The following TM9SF3 variants were observed in gnomAD, a reference collection of about 807,000 sequenced individuals.
TM9SF3 encodes transmembrane 9 superfamily member 3.
A neutral mutation model predicts 78.6 loss-of-function variants in TM9SF3; 14 were observed. That is an observed-to-expected ratio of 0.18 (90% CI 0.12 to 0.28). TM9SF3 has a LOEUF of 0.28. Ranked by LOEUF, TM9SF3 falls within the 10% of genes least tolerant of loss-of-function variation. TM9SF3 has a pLI of 1.00. For missense variants in TM9SF3, 496 were observed against 721.9 expected (o/e 0.69, Z 3.59); for synonymous variants, 231 against 241.7 (o/e 0.96, Z 0.41).
chr10:96,570,522 A>G (rs753432258), intron 2 of TM9SF3, among the ~76,000 whole-genome samples: 7 of 152,238 alleles, frequency 4.6e-5, no homozygotes, highest in Non-Finnish European at 7.3e-5. Context: ...ATCGGTAATA[A>G]GAATTGACAA....
intron 7 of TM9SF3, among the ~76,000 whole-genome samples, chr10:96,550,207 A>T (rs903845077): frequency 6.6e-6 from 1 of 152,234 alleles, no homozygotes; most frequent in African/African-American, 2.4e-5. Flanking sequence ...TATTCACTTC[A>T]GTTCAACAAG....
At chr10:96,568,554 T>G (rs1386425337) in intron 2 of TM9SF3, among the ~76,000 whole-genome samples, 2 of 152,142 alleles carry the variant, frequency 1.3e-5, no homozygotes, top group African/African-American at 4.8e-5. Flanking sequence ...GGCTAACAAT[T>G]GAATAGGCAG....
intron 10 of TM9SF3, among the ~76,000 whole-genome samples, chr10:96,532,075 T>C (rs1589447364): frequency 6.6e-6 from 1 of 151,954 alleles, no homozygotes; most frequent in East Asian, 1.9e-4. Flanking sequence ...CCAGGCGTGG[T>C]GGCGGGCACC....
intron 14 of TM9SF3, among the ~76,000 whole-genome samples, chr10:96,526,129 A>G (rs1025089660): frequency 2.0e-5 from 3 of 152,140 alleles, no homozygotes; most frequent in Non-Finnish European, 2.9e-5. Flanking sequence ...TCTATTTTGC[A>G]AATGAGTAAA....
intron 1 of TM9SF3, among the ~76,000 whole-genome samples, chr10:96,586,272 T>C (rs1356749231): frequency 1.3e-5 from 2 of 152,272 alleles, no homozygotes. Flanking sequence ...AAGTGTAGGA[T>C]ATTTCCTGGT....
intron 9 of TM9SF3, among the ~76,000 whole-genome samples, chr10:96,534,325 C>G (rs369098065): frequency 1.3e-5 from 2 of 152,138 alleles, no homozygotes; most frequent in Non-Finnish European, 2.9e-5. Context: ...AATTTATCTG[C>G]GTTTCAGTTT....
In TM9SF3 at chr10:96,586,889, GCCTCCT is replaced by G. The variant is rs1848640639; in HGVS notation, c.-60_-55del. On this transcript the variant is annotated 5_prime_UTR_variant, in exon 1 of 15. Transcript: ENST00000371142. Reference sequence around the variant, plus strand: ...CTCACCGACTCCTCCTCCCGCCGCCGCCTCCTCCGCCGCCGCCGCCTCCGCCGCGGC... The same window carrying G: ...CTCACCGACTCCTCCTCCCGCCGCCGCCGCCGCCGCCGCCTCCGCCGCGGC... 1.0e-6 allele frequency: 1 copy of G among 967,708 alleles called. No individual in the cohort carries two copies. Among genetic ancestry groups the G allele is most frequent in the Non-Finnish European group, 1.3e-6 (1 of 777,640 alleles). The allele number at this position is 967,708 out of a possible 1,614,324, so 59.9% of individuals were successfully genotyped here.
rs1223687264 is a variant in TM9SF3 at position 96,581,578 on chromosome 10, T to C, written c.103-4749A>G. 5.3e-5 allele frequency among the ~76,000 whole-genome samples: 8 copies of C among 152,172 alleles called. No individual in the cohort carries two copies. The East Asian group carries it at 1.5e-3, about 29-fold the overall frequency. ...GCTTTGTACCTAAATAAACTTTCAG[T>C]CTATCATTGAGTAGAGCTGAAAATA... On this transcript the variant is annotated intron_variant, in intron 1 of 14. Transcript: ENST00000371142.
At chr10:96,584,269 A>G (rs548617969) in intron 1 of TM9SF3, among the ~76,000 whole-genome samples, 1 of 152,312 alleles carries the variant, frequency 6.6e-6, no homozygotes, top group East Asian at 1.9e-4. Flanking sequence ...TCTCTTTACT[A>G]GCTACTTCTG....
intron 14 of TM9SF3, among the ~76,000 whole-genome samples, chr10:96,525,395 A>C (rs1266694720): frequency 6.6e-6 from 1 of 152,046 alleles, no homozygotes; most frequent in Non-Finnish European, 1.5e-5. Context: ...ATAGAGAATG[A>C]TCTTTCCTTG....
In TM9SF3 at chr10:96,546,548, C is replaced by A. The variant is rs557030127; in HGVS notation, c.1054+1347G>T. 6.6e-5 allele frequency among the ~76,000 whole-genome samples: 10 copies of A among 152,238 alleles called. No individual in the cohort carries two copies. In the South Asian group the frequency reaches 2.1e-3, roughly 32 times the overall value. On this transcript the variant is annotated intron_variant, in intron 8 of 14. Transcript: ENST00000371142. ...CAGGTCAAATTCAAAGTAGAAGTTG[C>A]CTCATGTGTCCTTATTTCCTTAGGA...
At chr10:96,536,275 A>AT (rs1440750578) in intron 9 of TM9SF3, among the ~76,000 whole-genome samples, 1 of 152,150 alleles carries the variant, frequency 6.6e-6, no homozygotes, top group African/African-American at 2.4e-5. Flanking sequence ...TGCTCTTGAC[A>AT]CTTCTATTCA....
chr10:96,545,602 A>C (rs1848087751), intron 8 of TM9SF3, among the ~76,000 whole-genome samples: 1 of 152,188 alleles, frequency 6.6e-6, no homozygotes, highest in African/African-American at 2.4e-5. Flanking sequence ...GTATCAACAA[A>C]ACTGTGGCCG....
chr10:96,567,380 C>T (rs59525752), intron 2 of TM9SF3, among the ~76,000 whole-genome samples: 1,600 of 152,230 alleles, frequency 0.011, 29 homozygotes, highest in African/African-American at 0.036. Context: ...CCACCGCACC[C>T]GGCCAATCTG....
rs779484212 is a variant in TM9SF3, at chr10:96,547,878, G to A, written c.1054+17C>T. On this transcript the variant is annotated intron_variant, in intron 8 of 14. Coordinates refer to ENST00000371142, the MANE Select transcript of TM9SF3 (RefSeq NM_020123.4). ...GCATCTATAATTAACAACATGAAGTGAGAATTCGTAAGTTACCTCCTTGTC... is the reference window on the plus strand; with the variant it reads ...GCATCTATAATTAACAACATGAAGTAAGAATTCGTAAGTTACCTCCTTGTC... The A allele has an allele frequency of 4.4e-6, 7 of 1,575,722 alleles. No homozygotes were observed. In the African/African-American group the frequency reaches 5.5e-5, roughly 12 times the overall value.
chr10:96,586,918 G>A lies in TM9SF3; in HGVS notation c.-83C>T, dbSNP rs1252737750. 3.7e-6 allele frequency: 4 copies of A among 1,082,866 alleles called. No individual in the cohort carries two copies. The African/African-American group carries it at 6.7e-5, about 18-fold the overall frequency. 67.1% of individuals were successfully genotyped at this position (1,082,866 alleles called of 1,614,324 possible). On this transcript the variant is annotated 5_prime_UTR_variant, in exon 1 of 15. Coordinates refer to ENST00000371142, the MANE Select transcript of TM9SF3 (RefSeq NM_020123.4). ...CCTCCGCCGCCGCCGCCTCCGCCGC[G>A]GCCGATTCGCATCCACGGGGCGCGG...
chr10:96,522,412 T>C, intron 14 of TM9SF3, 82 bp from the exon 15 acceptor site: 1 of 1,069,946 alleles, frequency 9.3e-7, no homozygotes, highest in South Asian at 1.7e-5. Context: ...TACTCTATGC[T>C]CTGGAAAGTT....
chr10:96,586,859 G>T lies in TM9SF3; in HGVS notation c.-24C>A, dbSNP rs531171100. On this transcript the variant is annotated 5_prime_UTR_variant, in exon 1 of 15. Coordinates refer to ENST00000371142, the MANE Select transcript of TM9SF3 (RefSeq NM_020123.4). The stretch of plus-strand genomic sequence containing the variant: ...ATCCTCCGCGCCCCTCCGGCCCGGA[G>T]CCGGCTCACCGACTCCTCCTCCCGC... 4.3e-5 allele frequency: 51 copies of T among 1,198,408 alleles called. No homozygotes were observed. The highest frequency in any genetic ancestry group is 2.0e-4 in the African/African-American group (12 of 61,468). The allele number at this position is 1,198,408 out of a possible 1,614,324, so 74.2% of individuals were successfully genotyped here.
intron 12 of TM9SF3, 63 bp from the exon 13 acceptor site, chr10:96,527,559 T>A (rs941757070): frequency 1.4e-5 from 19 of 1,329,840 alleles, no homozygotes; most frequent in Admixed American, 2.2e-5. Context: ...AAACAAAGAT[T>A]TTAAAGCAAA....
Sources: gnomAD v4.1 joint callset for allele counts (sites outside exome capture counted in the v4.1 genomes callset) on GRCh38, gnomAD v4.1.1 for gene constraint, MANE v1.5 for transcripts, NCBI Gene and HGNC (gene_info 2026-07-23, HGNC 2026-07-21) for gene names.